The following DNAH14 variants were observed in gnomAD, a reference collection of about 807,000 sequenced individuals.
The protein encoded by DNAH14 is dynein axonemal heavy chain 14.
Under a neutral mutation model 520.9 loss-of-function variants are expected in DNAH14, and 478 were observed. The observed-to-expected ratio is 0.92, with a 90% CI of 0.85 to 0.99. DNAH14 has a LOEUF of 0.99. Among genes scored for constraint, DNAH14 ranks in the 50% least tolerant of loss-of-function variants. The pLI is 0.00. For synonymous variants in DNAH14, 1,581 were observed against 1,757.2 expected, an observed-to-expected ratio of 0.90 and a Z score of 2.51; for missense variants, 4,831 against 5,234.5, an observed-to-expected ratio of 0.92 and a Z score of 2.38.
Position 225,085,560 on chromosome 1 carries a change from A to G in DNAH14, c.3344A>G (p.Asn1115Ser). 1 of 1,545,082 alleles carries G rather than the reference A, an allele frequency of 6.5e-7. No individual in the cohort carries two copies. Among genetic ancestry groups the G allele is most frequent in the Non-Finnish European group, 8.8e-7 (1 of 1,141,528 alleles). ...TCATTTTAGATGTTTCAGTATGAAA[A>G]TGAAATAAATGATATGTCAACCTCA... The part of the protein sequence containing the change: ...LLALKMFQYE[N>S]EINDMSTSAT... The change falls in exon 21 of 86, where the codon AAT (asparagine) becomes AGT (serine). Residue 1115 changes from asparagine (N) to serine (S), a missense_variant. By Grantham distance (46) the Asn-to-Ser change is conservative. Coordinates refer to ENST00000682510, the MANE Select transcript of DNAH14 (RefSeq NM_001367479.1).
At chr1:225,177,377 G>A (rs543746938) in intron 36 of DNAH14, among the ~76,000 whole-genome samples, 33 of 152,252 alleles carry the variant, frequency 2.2e-4, no homozygotes, top group Non-Finnish European at 3.5e-4. Flanking sequence ...CTGACAATGC[G>A]ATAGAAAAGA....
Position 225,152,734 on chromosome 1 carries a change from T to C in DNAH14, c.5047T>C (p.Ser1683Pro), listed in dbSNP as rs375432909. Residue 1683 changes from serine to proline, a missense_variant, in exon 33 of 86, where the codon TCT becomes CCT. Ser to Pro is a moderately conservative substitution (Grantham distance 74). Transcript: ENST00000682510. ...GGVELPDNLK[S>P]LFRPVAMMVP... ...AGTAGAGCTCCCAGATAACTTAAAA[T>C]CTCTGTTTCGCCCAGTGGCAATGAT... is the stretch of plus-strand genomic sequence containing the variant. 2.0e-4 allele frequency: 312 copies of C among 1,551,058 alleles called. 3 individuals are homozygous for C. In the South Asian group the frequency reaches 3.5e-3, roughly 18 times the overall value.
intron 10 of DNAH14, among the ~76,000 whole-genome samples, chr1:225,008,519 C>G (rs996272632): frequency 1.3e-5 from 2 of 151,786 alleles, no homozygotes; most frequent in African/African-American, 2.4e-5. Flanking sequence ...CTAATTTACA[C>G]CCCAACAACA....
At chr1:225,240,026 C>A (rs1336627847) in intron 42 of DNAH14, among the ~76,000 whole-genome samples, 1 of 151,288 alleles carries the variant, frequency 6.6e-6, no homozygotes, top group East Asian at 1.9e-4. Flanking sequence ...GGAGAAGACT[C>A]TCTCCAGATT....
intron 49 of DNAH14, 26 bp from the exon 50 acceptor site, chr1:225,270,709 A>G (rs2093291106): frequency 6.5e-7 from 1 of 1,545,816 alleles, no homozygotes; most frequent in African/African-American, 1.4e-5. Context: ...ACATTCAGTT[A>G]CTCTTCCTTT....
Position 225,275,961 on chromosome 1 carries a change from G to T in DNAH14, c.8058G>T (p.Leu2686Phe). The change falls in exon 53 of 86, where the codon TTG becomes TTT. Residue 2686 changes from leucine to phenylalanine, a missense_variant. Coordinates refer to ENST00000682510, the MANE Select transcript of DNAH14 (RefSeq NM_001367479.1). ...TGATGAATCACTCAACTGTATTTTT[G>T]GACTTCTTGGATATAAACAAGACTC... ...ENLMNHSTVF[L>F]DFLDINKTHR... 5.1e-6 allele frequency: 2 copies of T among 393,406 alleles called. No individual in the cohort carries two copies. Among genetic ancestry groups the T allele is most frequent in the Middle Eastern group, 3.7e-4 (1 of 2,716 alleles). The allele number at this position is 393,406 out of a possible 1,614,324, so 24.4% of individuals were successfully genotyped here.
Position 225,242,137 on chromosome 1 carries a change from G to A in DNAH14, c.6748+1315G>A, listed in dbSNP as rs540370515. On this transcript the variant is annotated intron_variant, in intron 43 of 85. Transcript: ENST00000682510. ...TAGTTTCAGCTACTTGGAAGGCTGAGGTGAGAGGATCGCTTGAGCCCAAGA... is the reference window on the plus strand; with the variant it reads ...TAGTTTCAGCTACTTGGAAGGCTGAAGTGAGAGGATCGCTTGAGCCCAAGA... Among the ~76,000 whole-genome samples the A allele has an allele frequency of 1.0e-3, 152 of 152,290 alleles. 2 individuals are homozygous for A. Among genetic ancestry groups the A allele is most frequent in the African/African-American group, 3.4e-3 (142 of 41,570 alleles).
At chr1:224,959,805 T>TAAA (rs1226849622) in intron 3 of DNAH14, among the ~76,000 whole-genome samples, 1 of 152,184 alleles carries the variant, frequency 6.6e-6, no homozygotes, top group African/African-American at 2.4e-5. Flanking sequence ...ATCAACCTAA[T>TAAA]AATAAAGTTA....
intron 1 of DNAH14, among the ~76,000 whole-genome samples, chr1:224,943,942 G>A (rs9426149): frequency 0.19 from 28,532 of 151,946 alleles, 3,527 homozygotes; most frequent in African/African-American, 0.35. Context: ...GAATAAGTGC[G>A]GTGTGGTGCT....
rs1445798300 is a variant in DNAH14, at chr1:225,367,820, C to T, written c.12106C>T (p.Pro4036Ser). ...KKGLKIAVESPQGLKSNLLQT... is the reference protein window; with the variant it reads ...KKGLKIAVESSQGLKSNLLQT... ...TGTTTTCAAGATTGCCGTGGAATCT[C>T]CCCAGGGATTGAAAAGTAACTTACT... The change falls in exon 77 of 86, where the codon CCC becomes TCC. Residue 4036 changes from proline to serine, a missense_variant. Physicochemically the swap from Pro to Ser is moderately conservative, Grantham distance 74. Coordinates refer to ENST00000682510, the MANE Select transcript of DNAH14 (RefSeq NM_001367479.1). 6 of 1,551,118 alleles carry T rather than the reference C, an allele frequency of 3.9e-6. No homozygotes were observed. In the East Asian group the frequency reaches 9.8e-5, roughly 25 times the overall value.
intron 56 of DNAH14, among the ~76,000 whole-genome samples, 194 bp downstream of exon 56, chr1:225,301,224 C>A (rs960669565): frequency 6.6e-6 from 1 of 152,040 alleles, no homozygotes; most frequent in East Asian, 1.9e-4. Flanking sequence ...TGAATCTGAG[C>A]CTGTCTGGCT....
At chr1:224,943,081 A>C (rs540981619) in intron 1 of DNAH14, among the ~76,000 whole-genome samples, 2 of 152,218 alleles carry the variant, frequency 1.3e-5, no homozygotes, top group Non-Finnish European at 2.9e-5. Flanking sequence ...AAGGAATGGT[A>C]CCAGCTCTTC....
At chr1:224,965,780 G>T (rs2061131155) in intron 5 of DNAH14, among the ~76,000 whole-genome samples, 1 of 152,026 alleles carries the variant, frequency 6.6e-6, no homozygotes, top group Non-Finnish European at 1.5e-5. Flanking sequence ...TACTGTGGAG[G>T]ACTGTGAAAA....
intron 1 of DNAH14, among the ~76,000 whole-genome samples, chr1:224,934,598 G>T (rs751048947): frequency 2.6e-5 from 4 of 151,718 alleles, no homozygotes; most frequent in African/African-American, 4.8e-5. Flanking sequence ...AAGAGAGAAA[G>T]GATTAGAAAA....
rs2092337166 is a variant in DNAH14 at position 225,247,273 on chromosome 1, C to T, written c.6749-5028C>T. On this transcript the variant is annotated intron_variant, in intron 43 of 85. Coordinates refer to ENST00000682510, the MANE Select transcript of DNAH14 (RefSeq NM_001367479.1). ...AGAGCATTAGGACAAATACCTAATG[C>T]ATGCGGGGCTGAAAACCCAGATGAT... Among the ~76,000 whole-genome samples, 3 of 147,378 alleles carry T rather than the reference C, an allele frequency of 2.0e-5. No individual in the cohort carries two copies. In the South Asian group the frequency reaches 6.6e-4, roughly 33 times the overall value.
chr1:225,041,232 A>G (rs2148209368), intron 12 of DNAH14, among the ~76,000 whole-genome samples: 1 of 152,274 alleles, frequency 6.6e-6, no homozygotes, highest in Non-Finnish European at 1.5e-5. Context: ...TACTGTACAG[A>G]GCTCAAAATG....
intron 80 of DNAH14, among the ~76,000 whole-genome samples, chr1:225,381,060 A>G (rs548233186): frequency 3.1e-4 from 47 of 152,244 alleles, no homozygotes; most frequent in Non-Finnish European, 5.1e-4. Flanking sequence ...CATAAATGTT[A>G]TATGAAACTC....
chr1:225,358,308 A>G (rs2095454886), intron 73 of DNAH14, among the ~76,000 whole-genome samples, 188 bp from the exon 74 acceptor site: 2 of 152,204 alleles, frequency 1.3e-5, no homozygotes, highest in African/African-American at 4.8e-5. Flanking sequence ...GGGCCACATG[A>G]TGGCCACAGG....
chr1:225,290,064 C>T lies in DNAH14; in HGVS notation c.8451C>T (p.Pro2817=). 1 of 1,474,426 alleles carries T rather than the reference C, an allele frequency of 6.8e-7. No homozygotes were observed. Among genetic ancestry groups the T allele is most frequent in the South Asian group, 1.4e-5 (1 of 71,350 alleles). 91.3% of individuals were successfully genotyped at this position (1,474,426 alleles called of 1,614,324 possible). ...GGAAACCCACTGTTCTGATGGTTCC[C>T]AATTTAAACATAGAACAAGTAAGTA... The part of the protein sequence containing the change: ...LKGKPTVLMV[P]NLNIEQDSFL... The change falls in exon 55 of 86, where the codon CCC becomes CCT. Residue 2817 remains proline, a synonymous_variant. Coordinates refer to ENST00000682510, the MANE Select transcript of DNAH14 (RefSeq NM_001367479.1).
Sources: gnomAD v4.1 joint callset for allele counts (sites outside exome capture counted in the v4.1 genomes callset) on GRCh38, gnomAD v4.1.1 for gene constraint, MANE v1.5 for transcripts, NCBI Gene and HGNC (gene_info 2026-07-23, HGNC 2026-07-21) for gene names.